NXPE2: variants seen among roughly 807,000 people sequenced by gnomAD.
The protein encoded by NXPE2 is NXPE family member 2.
Under a neutral mutation model 34.4 loss-of-function variants are expected in NXPE2, and 34 were observed. That is an observed-to-expected ratio of 0.99 (90% CI 0.75 to 1.31). NXPE2 has a LOEUF of 1.31. Among genes scored for constraint, NXPE2 ranks in the 40% most tolerant of loss-of-function variants. NXPE2 has a pLI of 0.00. For missense variants in NXPE2, 649 were observed against 672.5 expected (o/e 0.97, Z 0.39); for synonymous variants, 235 against 231.3 (o/e 1.02, Z -0.15).
At chr11:114,493,181 C>A in the NXPE2 span, among the ~76,000 whole-genome samples, 1 of 151,932 alleles carries the variant, frequency 6.6e-6, no homozygotes, top group African/African-American at 2.4e-5. Context: ...TTTTTCCATC[C>A]CTGTATTTTC....
At chr11:114,539,725 G>A in the NXPE2 span, among the ~76,000 whole-genome samples, 4 of 152,060 alleles carry the variant, frequency 2.6e-5, no homozygotes, top group Non-Finnish European at 2.9e-5. Context: ...TAGCCCTAGT[G>A]TAAATTATTG....
the NXPE2 span, among the ~76,000 whole-genome samples, chr11:114,646,578 C>G: frequency 6.6e-6 from 1 of 151,994 alleles, no homozygotes; most frequent in South Asian, 2.1e-4. Flanking sequence ...AGTTGCTATT[C>G]ATTTCAATAA....
chr11:114,603,956 A>G, the NXPE2 span, among the ~76,000 whole-genome samples: 1 of 151,282 alleles, frequency 6.6e-6, no homozygotes. Flanking sequence ...CTCTTCTCCT[A>G]GGTAACTACT....
chr11:114,753,380 AAG>A, the NXPE2 span, among the ~76,000 whole-genome samples: 1 of 145,650 alleles, frequency 6.9e-6, no homozygotes, highest in Non-Finnish European at 1.5e-5. Flanking sequence ...GCGACAGAGC[AAG>A]ACCCTGTCTT....
chr11:114,587,935 T>C, the NXPE2 span, among the ~76,000 whole-genome samples: 1 of 152,176 alleles, frequency 6.6e-6, no homozygotes, highest in Non-Finnish European at 1.5e-5. Context: ...GGAGCCTTAA[T>C]TTTAATACTA....
the NXPE2 span, among the ~76,000 whole-genome samples, chr11:114,576,738 G>T: frequency 6.6e-6 from 1 of 151,832 alleles, no homozygotes; most frequent in African/African-American, 2.4e-5. Flanking sequence ...CACTGTTGGT[G>T]GGAATGTAAA....
the NXPE2 span, among the ~76,000 whole-genome samples, chr11:114,642,783 C>T: frequency 6.6e-6 from 1 of 152,020 alleles, no homozygotes. Context: ...ATACCCAGTA[C>T]TGGGCTTGCT....
the NXPE2 span, among the ~76,000 whole-genome samples, chr11:114,811,432 A>G: frequency 3.9e-5 from 6 of 152,348 alleles, no homozygotes; most frequent in South Asian, 1.2e-3. Context: ...TCTCTTCTCC[A>G]ATAGCCTCAT....
the NXPE2 span, among the ~76,000 whole-genome samples, chr11:114,496,247 T>C: frequency 6.6e-6 from 1 of 152,180 alleles, no homozygotes; most frequent in African/African-American, 2.4e-5. Context: ...ATGCTCCCTC[T>C]GTGGGTGCCA....
the NXPE2 span, among the ~76,000 whole-genome samples, chr11:114,533,400 T>C: frequency 6.6e-6 from 1 of 151,992 alleles, no homozygotes; most frequent in Non-Finnish European, 1.5e-5. Flanking sequence ...CCAACTGAGG[T>C]ACTTGGTTCA....
chr11:114,601,687 T>TAA, the NXPE2 span, among the ~76,000 whole-genome samples: 9 of 33,582 alleles, frequency 2.7e-4, no homozygotes, highest in African/African-American at 1.4e-3. Context: ...TTATAGATTA[T>TAA]ATATATTTAT....
At chr11:114,712,939 T>G in the NXPE2 span, among the ~76,000 whole-genome samples, 2 of 152,116 alleles carry the variant, frequency 1.3e-5, no homozygotes, top group African/African-American at 4.8e-5. Context: ...TGAAAAACCA[T>G]GCAACCTTAG....
the NXPE2 span, among the ~76,000 whole-genome samples, chr11:114,539,883 T>A: frequency 2.6e-5 from 4 of 152,068 alleles, no homozygotes; most frequent in African/African-American, 9.7e-5. Context: ...ATCAAGAAAA[T>A]GGTTTCACTA....
the NXPE2 span, among the ~76,000 whole-genome samples, chr11:114,808,993 C>A: frequency 6.6e-6 from 1 of 152,160 alleles, no homozygotes; most frequent in Non-Finnish European, 1.5e-5. Context: ...AGCTTATCCA[C>A]CATGATCAAG....
chr11:114,792,723 C>G, the NXPE2 span, among the ~76,000 whole-genome samples: 3 of 151,696 alleles, frequency 2.0e-5, no homozygotes, highest in Non-Finnish European at 4.4e-5. Flanking sequence ...TGATGCTTCC[C>G]CCATTTGGTG....
chr11:114,812,303 T>C, the NXPE2 span, among the ~76,000 whole-genome samples: 1 of 152,326 alleles, frequency 6.6e-6, no homozygotes, highest in East Asian at 1.9e-4. Context: ...GGATAGCATC[T>C]GGAAAAGGGA....
At chr11:114,806,514 G>A in the NXPE2 span, among the ~76,000 whole-genome samples, 1 of 152,206 alleles carries the variant, frequency 6.6e-6, no homozygotes, top group East Asian at 1.9e-4. Flanking sequence ...ACCTGATGGA[G>A]CTGAAAACCA....
At chr11:114,629,969 G>GT in the NXPE2 span, among the ~76,000 whole-genome samples, 9 of 150,462 alleles carry the variant, frequency 6.0e-5, 1 homozygote, top group African/African-American at 2.2e-4. Flanking sequence ...TACAAGGGAC[G>GT]TGAAGGAACT....
the NXPE2 span, among the ~76,000 whole-genome samples, chr11:114,797,356 G>A: frequency 6.6e-6 from 1 of 152,154 alleles, no homozygotes; most frequent in Non-Finnish European, 1.5e-5. Flanking sequence ...GGCCTACCGT[G>A]TCTCTTTTAG....
Sources: gnomAD v4.1 joint callset for allele counts (sites outside exome capture counted in the v4.1 genomes callset) on GRCh38, gnomAD v4.1.1 for gene constraint, MANE v1.5 for transcripts, NCBI Gene and HGNC (gene_info 2026-07-23, HGNC 2026-07-21) for gene names.